Variants in LCMT1 observed in about 807,000 individuals in gnomAD.
LCMT1 encodes [Phosphatase 2A protein]-leucine-carboxy methyltransferase 1.
Under a neutral mutation model 47.7 loss-of-function variants are expected in LCMT1, and 32 were observed. The observed-to-expected ratio is 0.67, with a 90% confidence interval of 0.51 to 0.90. The LOEUF is 0.90. Among genes scored for constraint, LCMT1 ranks in the 40% least tolerant of loss-of-function variants. The pLI, the probability that LCMT1 is intolerant of heterozygous loss-of-function variation, is 0.00. For missense variants in LCMT1, 375 were observed against 415.2 expected (o/e 0.90, Z 0.84); for synonymous variants, 152 against 149.7 (o/e 1.02, Z -0.11).
chr16:25,153,726 G>C (rs963309332), intron 5 of LCMT1, among the ~76,000 whole-genome samples: 11 of 152,162 alleles, frequency 7.2e-5, no homozygotes, highest in African/African-American at 2.4e-4. Flanking sequence ...GCCGAGGCGG[G>C]TGGATCACCT....
chr16:25,136,712 G>C (rs1185963244), intron 3 of LCMT1, among the ~76,000 whole-genome samples: 2 of 151,856 alleles, frequency 1.3e-5, no homozygotes. Context: ...ACCGTGCCTG[G>C]CTATTTTGTA....
chr16:25,122,661 CT>C (rs1415040018), intron 1 of LCMT1, among the ~76,000 whole-genome samples: 4 of 151,664 alleles, frequency 2.6e-5, no homozygotes, highest in Admixed American at 6.6e-5. Context: ...TTTGTCATGT[CT>C]TGTTTGGTTG....
chr16:25,131,573 C>G (rs1960349697), intron 2 of LCMT1, among the ~76,000 whole-genome samples: 1 of 152,214 alleles, frequency 6.6e-6, no homozygotes, highest in Non-Finnish European at 1.5e-5. Context: ...AATAAAGTTT[C>G]TAAATGCTAT....
chr16:25,148,965 G>A (rs930929307), intron 4 of LCMT1: 17 of 152,388 alleles, frequency 1.1e-4, no homozygotes, highest in South Asian at 6.2e-4. Flanking sequence ...CGGGAGAGAC[G>A]TTTTATTAGC....
chr16:25,159,115 C>A (rs951107815), intron 5 of LCMT1, among the ~76,000 whole-genome samples: 2 of 152,216 alleles, frequency 1.3e-5, no homozygotes, highest in African/African-American at 4.8e-5. Context: ...TACTAGACTT[C>A]ATGTGTTAAT....
chr16:25,168,977 C>A, intron 7 of LCMT1, 135 bp from the exon 8 acceptor site: 1 of 659,888 alleles, frequency 1.5e-6, no homozygotes, highest in Non-Finnish European at 2.7e-6. Context: ...GTGCCCGCCC[C>A]TCAGTCCGTT....
intron 1 of LCMT1, among the ~76,000 whole-genome samples, chr16:25,115,459 C>T (rs1201448145): frequency 6.6e-6 from 1 of 152,200 alleles, no homozygotes; most frequent in Non-Finnish European, 1.5e-5. Context: ...TCATGTCAGC[C>T]AACCTCAACT....
intron 4 of LCMT1, chr16:25,145,656 T>C (rs1960826534): frequency 6.6e-6 from 1 of 152,214 alleles, no homozygotes; most frequent in East Asian, 1.9e-4. Context: ...TATTCTCCAT[T>C]AGGCTTTTTA....
intron 4 of LCMT1, chr16:25,141,368 C>T (rs929346530): frequency 2.4e-4 from 36 of 152,156 alleles, no homozygotes; most frequent in African/African-American, 8.2e-4. Flanking sequence ...CTTTTGGAGA[C>T]AGGGTCTCAC....
At chr16:25,132,817 G>A (rs115340511) in intron 3 of LCMT1, among the ~76,000 whole-genome samples, 1,956 of 151,034 alleles carry the variant, frequency 0.013, 40 homozygotes, top group African/African-American at 0.046. Flanking sequence ...AATTCTACCA[G>A]TAGAATTGCT....
chr16:25,121,622 T>G (rs1466026551), intron 1 of LCMT1, among the ~76,000 whole-genome samples: 1 of 152,080 alleles, frequency 6.6e-6, no homozygotes, highest in Non-Finnish European at 1.5e-5. Context: ...CTCAGGAAAC[T>G]TAGTCATGGC....
At chr16:25,172,746 G>A (rs977440665) in intron 9 of LCMT1, among the ~76,000 whole-genome samples, 3 of 152,236 alleles carry the variant, frequency 2.0e-5, no homozygotes, top group Admixed American at 1.3e-4. Context: ...CTGTCTCCAC[G>A]TGATCAGGTC....
At chr16:25,170,833 TG>T in intron 9 of LCMT1, 28 bp downstream of exon 9, 1 of 1,461,294 alleles carries the variant, frequency 6.8e-7, no homozygotes, top group Non-Finnish European at 9.5e-7. Flanking sequence ...GTCAGCTTGA[TG>T]GGCATTCATT....
At chr16:25,128,670 C>A in intron 2 of LCMT1, 104 bp downstream of exon 2, 1 of 815,604 alleles carries the variant, frequency 1.2e-6, no homozygotes, top group Non-Finnish European at 2.0e-6. Flanking sequence ...CAGCTGTGCG[C>A]AAAAGTGCTT....
intron 4 of LCMT1, chr16:25,147,533 A>T (rs1456720648): frequency 6.6e-6 from 1 of 152,106 alleles, no homozygotes. Flanking sequence ...GTAGCTAGGT[A>T]TCTCTCCCCA....
At chr16:25,123,014 T>C (rs915073923) in intron 1 of LCMT1, among the ~76,000 whole-genome samples, 3 of 152,138 alleles carry the variant, frequency 2.0e-5, no homozygotes, top group Non-Finnish European at 4.4e-5. Context: ...TTGGGAGTTT[T>C]GGGCAATGCT....
chr16:25,172,234 G>C (rs1044954927), intron 9 of LCMT1, among the ~76,000 whole-genome samples: 1 of 151,888 alleles, frequency 6.6e-6, no homozygotes, highest in African/African-American at 2.4e-5. Context: ...TTGAACCTGG[G>C]AGGCGGAGGT....
chr16:25,154,547 C>T (rs1433181102), intron 5 of LCMT1, among the ~76,000 whole-genome samples: 8 of 139,610 alleles, frequency 5.7e-5, no homozygotes, highest in South Asian at 4.5e-4. Context: ...AGTGCAGTGG[C>T]GCGATCTCAG....
intron 1 of LCMT1, among the ~76,000 whole-genome samples, chr16:25,123,048 G>A (rs573923963): frequency 4.6e-5 from 7 of 152,114 alleles, no homozygotes; most frequent in East Asian, 3.9e-4. Flanking sequence ...ATTATTTAAC[G>A]TATCTTTTAG....
Sources: gnomAD v4.1 joint callset for allele counts (sites outside exome capture counted in the v4.1 genomes callset) on GRCh38, gnomAD v4.1.1 for gene constraint, MANE v1.5 for transcripts, NCBI Gene and HGNC (gene_info 2026-07-23, HGNC 2026-07-21) for gene names.